GALNT13: variants seen among roughly 807,000 people sequenced by gnomAD.
GALNT13 encodes the protein polypeptide N-acetylgalactosaminyltransferase 13.
A neutral mutation model predicts 64.2 loss-of-function variants in GALNT13; 28 were observed. That is an observed-to-expected ratio of 0.44 (90% CI 0.32 to 0.60). The LOEUF (loss-of-function observed/expected upper bound fraction) is 0.60, where lower values mean the gene tolerates loss of function less well. GALNT13 is among the 20% of genes least tolerant of loss of function. The pLI, the probability that GALNT13 is intolerant of heterozygous loss-of-function variation, is 0.05. For missense variants in GALNT13, 577 were observed against 669.8 expected (o/e 0.86, Z 1.53); for synonymous variants, 214 against 224.6 (o/e 0.95, Z 0.42).
intron 9 of GALNT13, among the ~76,000 whole-genome samples, chr2:154,324,660 G>C (rs1453835067): frequency 1.3e-5 from 2 of 152,070 alleles, no homozygotes; most frequent in Non-Finnish European, 2.9e-5. Flanking sequence ...GTAGGTTGCA[G>C]AGAAAATAGG....
the GALNT13 span, among the ~76,000 whole-genome samples, chr2:153,438,066 A>C: frequency 6.6e-6 from 1 of 152,088 alleles, no homozygotes; most frequent in African/African-American, 2.4e-5. Context: ...AAAGTATTTT[A>C]TTTGTCCTTC....
chr2:154,208,939 C>A (rs964097061), intron 4 of GALNT13, among the ~76,000 whole-genome samples: 1 of 151,748 alleles, frequency 6.6e-6, no homozygotes, highest in Non-Finnish European at 1.5e-5. Flanking sequence ...CAAGAGATAC[C>A]TACAATAATG....
the GALNT13 span, among the ~76,000 whole-genome samples, chr2:153,683,394 CA>C: frequency 3.3e-5 from 5 of 150,358 alleles, no homozygotes; most frequent in Non-Finnish European, 7.4e-5. Context: ...TTTAGCTCAA[CA>C]AATTTTTTTA....
chr2:154,061,217 A>G (rs1007724363), intron 3 of GALNT13, among the ~76,000 whole-genome samples: 2 of 152,030 alleles, frequency 1.3e-5, no homozygotes, highest in South Asian at 2.1e-4. Context: ...AATATATTTT[A>G]TGTTATTTTT....
the GALNT13 span, among the ~76,000 whole-genome samples, chr2:153,137,343 G>A: frequency 1.4e-3 from 207 of 152,150 alleles, 1 homozygote; most frequent in African/African-American, 4.6e-3. Flanking sequence ...CCCCAGGAAG[G>A]CAAGTATATC....
intron 9 of GALNT13, among the ~76,000 whole-genome samples, chr2:154,319,186 C>T (rs373312569): frequency 6.6e-6 from 1 of 152,228 alleles, no homozygotes; most frequent in South Asian, 2.1e-4. Context: ...GAATAGGAAT[C>T]TGAGAAGTTA....
At chr2:154,034,351 A>G (rs116691443) in intron 3 of GALNT13, among the ~76,000 whole-genome samples, 2 of 152,198 alleles carry the variant, frequency 1.3e-5, no homozygotes, top group Non-Finnish European at 2.9e-5. Context: ...TTTATATGAC[A>G]TATTGGAAAA....
the GALNT13 span, among the ~76,000 whole-genome samples, chr2:153,257,184 C>T: frequency 6.6e-6 from 1 of 152,180 alleles, no homozygotes; most frequent in Non-Finnish European, 1.5e-5. Context: ...GTCGGAAAAG[C>T]GCAGTATTCG....
At chr2:153,186,432 T>TG in the GALNT13 span, among the ~76,000 whole-genome samples, 1 of 152,174 alleles carries the variant, frequency 6.6e-6, no homozygotes, top group African/African-American at 2.4e-5. Context: ...GTCTTTTAAT[T>TG]GGGGCATTTA....
the GALNT13 span, among the ~76,000 whole-genome samples, chr2:153,602,834 A>G: frequency 1.3e-5 from 2 of 151,924 alleles, no homozygotes; most frequent in Admixed American, 6.6e-5. Context: ...TGGCAGAGAA[A>G]TGGGAAAGGA....
At chr2:153,482,798 A>T in the GALNT13 span, among the ~76,000 whole-genome samples, 1 of 148,770 alleles carries the variant, frequency 6.7e-6, no homozygotes, top group South Asian at 2.1e-4. Flanking sequence ...TCCTCTATGT[A>T]CCTCATTTAC....
chr2:154,238,022 C>A (rs1689288306), intron 4 of GALNT13, among the ~76,000 whole-genome samples: 1 of 151,772 alleles, frequency 6.6e-6, no homozygotes, highest in African/African-American at 2.4e-5. Context: ...CAGCCAAGGA[C>A]CAGGAATGTT....
At chr2:153,399,789 T>A in the GALNT13 span, among the ~76,000 whole-genome samples, 1 of 152,324 alleles carries the variant, frequency 6.6e-6, no homozygotes, top group South Asian at 2.1e-4. Context: ...CCTGGGACTT[T>A]GCTGAAGTTG....
At position 154,260,420 on chromosome 2, in the gene GALNT13, A is replaced by T. The variant is rs372496596; in HGVS notation, c.975+1282A>T. On this transcript the variant is annotated intron_variant, in intron 8 of 12. Coordinates refer to ENST00000392825, the MANE Select transcript of GALNT13 (RefSeq NM_052917.4). ...ATTTCTCTACTGTAGAATTCAGTGGATCTTGGATAAATTATTTTAAAATCA... is the reference window on the plus strand; with the variant it reads ...ATTTCTCTACTGTAGAATTCAGTGGTTCTTGGATAAATTATTTTAAAATCA... 1.8e-4 allele frequency among the ~76,000 whole-genome samples: 27 copies of T among 152,314 alleles called. No homozygotes were observed. The South Asian group carries it at 3.1e-3, about 18-fold the overall frequency.
At chr2:153,867,052 T>C (rs961737374), upstream of GALNT13, among the ~76,000 whole-genome samples, 2 of 152,242 alleles carry the variant, frequency 1.3e-5, no homozygotes, top group African/African-American at 4.8e-5. Flanking sequence ...CCGTGCATTA[T>C]AAGAACAGTC....
the GALNT13 span, among the ~76,000 whole-genome samples, chr2:153,786,246 G>A: frequency 6.6e-6 from 1 of 152,078 alleles, no homozygotes. Context: ...AGTTACAGTG[G>A]TATTTATTAC....
the GALNT13 span, among the ~76,000 whole-genome samples, chr2:153,071,359 C>G: frequency 1.3e-5 from 2 of 152,116 alleles, no homozygotes; most frequent in Non-Finnish European, 2.9e-5. Flanking sequence ...GATATTTAGT[C>G]CTTTTCACTT....
At chr2:153,261,980 G>A in the GALNT13 span, among the ~76,000 whole-genome samples, 1 of 152,170 alleles carries the variant, frequency 6.6e-6, no homozygotes. Flanking sequence ...TTGGCTTAGG[G>A]ACTGTACAAA....
chr2:153,247,932 A>G, the GALNT13 span, among the ~76,000 whole-genome samples: 2 of 152,246 alleles, frequency 1.3e-5, no homozygotes, highest in East Asian at 3.8e-4. Flanking sequence ...TACGATAAAC[A>G]GCCCTATGTA....
Sources: gnomAD v4.1 joint callset for allele counts (sites outside exome capture counted in the v4.1 genomes callset) on GRCh38, gnomAD v4.1.1 for gene constraint, MANE v1.5 for transcripts, NCBI Gene and HGNC (gene_info 2026-07-23, HGNC 2026-07-21) for gene names.